The following TXNRD3 variants were observed in gnomAD, a reference collection of about 807,000 sequenced individuals.
The protein encoded by TXNRD3 is TXNRD3 neighbor gene protein.
A neutral mutation model predicts 78.2 loss-of-function variants in TXNRD3; 68 were observed. The observed-to-expected ratio is 0.87, with a 90% CI of 0.72 to 1.06. The LOEUF (loss-of-function observed/expected upper bound fraction) is 1.06, where lower values mean the gene tolerates loss of function less well. TXNRD3 is among the 50% of genes least tolerant of loss of function. TXNRD3 has a pLI of 0.00. For synonymous variants in TXNRD3, 296 were observed against 300.1 expected (o/e 0.99, Z 0.14); for missense variants, 751 against 809.5 (o/e 0.93, Z 0.88).
intron 15 of TXNRD3, 22 bp from the exon 16 acceptor site, chr3:126,607,995 AATACATATTTAG>A: frequency 6.8e-7 from 1 of 1,466,586 alleles, no homozygotes; most frequent in African/African-American, 1.4e-5. Flanking sequence ...AAAGAAAACA[AATACATATTTAG>A]ATGTTAGTAT....
chr3:126,652,864 T>A (rs1156707177), intron 1 of TXNRD3, among the ~76,000 whole-genome samples: 1 of 152,174 alleles, frequency 6.6e-6, no homozygotes, highest in African/African-American at 2.4e-5. Flanking sequence ...AAGTAGACAA[T>A]AATCATATAG....
intron 5 of TXNRD3, among the ~76,000 whole-genome samples, chr3:126,643,072 G>C (rs1423733607): frequency 6.6e-6 from 1 of 152,206 alleles, no homozygotes; most frequent in Non-Finnish European, 1.5e-5. Flanking sequence ...GAGGGAGCCA[G>C]CCATCCAATG....
At chr3:126,635,824 A>G (rs1938846846) in intron 6 of TXNRD3, among the ~76,000 whole-genome samples, 1 of 152,168 alleles carries the variant, frequency 6.6e-6, no homozygotes. Context: ...TATACATGTG[A>G]GTATGTGTAT....
rs1938701782 is a variant in TXNRD3, at chr3:126,630,978, G to A, written c.972-41C>T. The A allele has an allele frequency of 3.3e-6, 5 of 1,503,788 alleles. No individual in the cohort carries two copies. In the South Asian group the frequency reaches 4.9e-5, roughly 15 times the overall value. 93.2% of individuals were successfully genotyped at this position (1,503,788 alleles called of 1,614,324 possible). On this transcript the variant is annotated intron_variant, in intron 8 of 15. Transcript: ENST00000524230. Reference sequence around the variant, plus strand: ...TAAAAAAAGAATACCTAGGCAGCAAGAATGAAATGAGTTATTCATGTTTCA... The same window carrying A: ...TAAAAAAAGAATACCTAGGCAGCAAAAATGAAATGAGTTATTCATGTTTCA...
chr3:126,633,930 A>C lies in TXNRD3; in HGVS notation c.834T>G (p.Phe278Leu). ...CTACCTTTATTTTATGATGTTCAAC[A>C]AATTCTCCATAGGAATTGACATAGG... Residue 278 changes from phenylalanine (F) to leucine (L), a missense_variant, in exon 7 of 16, where the codon TTT becomes TTG. Phe to Leu is a conservative substitution (Grantham distance 22, BLOSUM62 0). Transcript: ENST00000524230. The C allele has an allele frequency of 6.6e-7, 1 of 1,506,972 alleles. No individual in the cohort carries two copies. The highest frequency in any genetic ancestry group is 8.8e-7 in the Non-Finnish European group (1 of 1,133,984). 93.4% of individuals were successfully genotyped at this position (1,506,972 alleles called of 1,614,324 possible).
chr3:126,636,714 G>A (rs957819778), intron 6 of TXNRD3, among the ~76,000 whole-genome samples: 1 of 152,000 alleles, frequency 6.6e-6, no homozygotes, highest in Non-Finnish European at 1.5e-5. Flanking sequence ...ACCTCTATGG[G>A]GTATAGTTTT....
chr3:126,638,648 C>A (rs779389833), intron 6 of TXNRD3, among the ~76,000 whole-genome samples: 2 of 152,048 alleles, frequency 1.3e-5, no homozygotes, highest in African/African-American at 4.8e-5. Flanking sequence ...GCAGGAGAAT[C>A]GCTTGAACAC....
chr3:126,625,156 C>CT (rs34368416), intron 10 of TXNRD3: 118,955 of 148,474 alleles, frequency 0.8, 47,780 homozygotes, highest in Non-Finnish European at 0.84. Context: ...GCAGTATATT[C>CT]TTTTTTTTTT....
chr3:126,648,386 A>G (rs1933291745), intron 1 of TXNRD3, among the ~76,000 whole-genome samples: 1 of 152,212 alleles, frequency 6.6e-6, no homozygotes, highest in Non-Finnish European at 1.5e-5. Flanking sequence ...TAAAATTCAT[A>G]TGGAATTTCA....
intron 10 of TXNRD3, among the ~76,000 whole-genome samples, chr3:126,627,764 T>C (rs1334674376): frequency 6.6e-6 from 1 of 152,182 alleles, no homozygotes; most frequent in Non-Finnish European, 1.5e-5. Flanking sequence ...GTATAGACAG[T>C]TGCATCAGTA....
At chr3:126,627,599 C>T (rs547803682) in intron 10 of TXNRD3, among the ~76,000 whole-genome samples, 1 of 151,932 alleles carries the variant, frequency 6.6e-6, no homozygotes, top group South Asian at 2.1e-4. Context: ...AACTTCATAC[C>T]AATACATTTG....
At chr3:126,646,301 C>T in intron 2 of TXNRD3, 81 bp from the exon 3 acceptor site, 1 of 1,108,664 alleles carries the variant, frequency 9.0e-7, no homozygotes, top group Non-Finnish European at 1.2e-6. Flanking sequence ...TTACAACACT[C>T]AAATGTTCAC....
At chr3:126,631,019 G>T in intron 8 of TXNRD3, 82 bp from the exon 9 acceptor site, 1 of 1,303,354 alleles carries the variant, frequency 7.7e-7, no homozygotes, top group Non-Finnish European at 1.0e-6. Flanking sequence ...TAATGGTCTT[G>T]TGATGACTGA....
At chr3:126,629,341 G>A in intron 10 of TXNRD3, 38 bp downstream of exon 10, 1 of 1,313,142 alleles carries the variant, frequency 7.6e-7, no homozygotes, top group Non-Finnish European at 1.0e-6. Flanking sequence ...ATTTAGGAGT[G>A]TGTTCAATAA....
At position 126,655,117 on chromosome 3, in the gene TXNRD3, G is replaced by A. The variant is rs1174023963; in HGVS notation, c.-127C>T. ...CGCTGGCCACTCTCACCACCCGCGC[G>A]AATCCGCGAGGCAGCCGCTCGCCCC... is the stretch of plus-strand genomic sequence containing the variant. On this transcript the variant is annotated 5_prime_UTR_variant, in exon 1 of 16. Coordinates refer to ENST00000524230, the MANE Select transcript of TXNRD3 (RefSeq NM_052883.3). The A allele has an allele frequency of 4.6e-6, 6 of 1,291,518 alleles. No homozygotes were observed. In the African/African-American group the frequency reaches 6.2e-5, roughly 13 times the overall value. The allele number at this position is 1,291,518 out of a possible 1,614,324, so 80.0% of individuals were successfully genotyped here.
chr3:126,611,234 T>C, intron 13 of TXNRD3, 102 bp from the exon 14 acceptor site: 1 of 687,474 alleles, frequency 1.5e-6, no homozygotes, highest in Non-Finnish European at 2.1e-6. Flanking sequence ...CATAGCAGCT[T>C]TCGGAAATTC....
At chr3:126,642,177 CTTCT>C (rs1054713155) in intron 5 of TXNRD3, 26 bp from the exon 6 acceptor site, 59 of 1,521,350 alleles carry the variant, frequency 3.9e-5, no homozygotes, top group African/African-American at 7.0e-5. Flanking sequence ...AGTTTTAATG[CTTCT>C]TTGTGTGTCT....
At chr3:126,646,280 T>A in intron 2 of TXNRD3, 60 bp from the exon 3 acceptor site, 1 of 1,271,550 alleles carries the variant, frequency 7.9e-7, no homozygotes, top group Non-Finnish European at 1.0e-6. Flanking sequence ...CTTTGTGAGT[T>A]AAACAAAGTG....
At position 126,631,945 on chromosome 3, in the gene TXNRD3, T is replaced by C. The variant is rs563417456; in HGVS notation, c.856-66A>G. On this transcript the variant is annotated intron_variant, in intron 7 of 15. Transcript: ENST00000524230. ...AGAGTACCAGACACCCTGGACAAAA[T>C]AGTTACTACCCTCATGGAGCTTCTC... The C allele has an allele frequency of 1.3e-4, 127 of 1,014,870 alleles. 1 individual carries two copies. The African/African-American group carries it at 1.8e-3, about 14-fold the overall frequency. 62.9% of individuals were successfully genotyped at this position (1,014,870 alleles called of 1,614,324 possible).
Sources: gnomAD v4.1 joint callset for allele counts (sites outside exome capture counted in the v4.1 genomes callset) on GRCh38, gnomAD v4.1.1 for gene constraint, MANE v1.5 for transcripts, NCBI Gene and HGNC (gene_info 2026-07-23, HGNC 2026-07-21) for gene names.